Variants in SEC31A observed in about 807,000 individuals in gnomAD.
SEC31A encodes protein transport protein Sec31A.
SEC31A carries 70 observed loss-of-function variants against 151.0 expected under a neutral mutation model. That is an observed-to-expected ratio of 0.46 (90% CI 0.38 to 0.57). The LOEUF is 0.57. Ranked by LOEUF, SEC31A falls within the 20% of genes least tolerant of loss-of-function variation. The pLI, the probability that SEC31A is intolerant of heterozygous loss-of-function variation, is 0.00. For missense variants in SEC31A, 1,330 were observed against 1,471.2 expected, an observed-to-expected ratio of 0.90 and a Z score of 1.57; for synonymous variants, 475 against 505.9, an observed-to-expected ratio of 0.94 and a Z score of 0.82.
At chr4:82,898,355 AAG>A (rs1720151605) in intron 3 of SEC31A, among the ~76,000 whole-genome samples, 1 of 152,228 alleles carries the variant, frequency 6.6e-6, no homozygotes, top group Admixed American at 6.5e-5. Flanking sequence ...AAATACAACT[AAG>A]AAAAAAAAAT....
chr4:82,851,630 C>A, intron 18 of SEC31A, 26 bp from the exon 19 acceptor site: 1 of 1,583,310 alleles, frequency 6.3e-7, no homozygotes, highest in Non-Finnish European at 8.6e-7. Context: ...GAGTAACAAA[C>A]AGAAATATCA....
chr4:82,872,109 TTTTATGAATCAAATTAC>T (rs757855378), intron 6 of SEC31A, 23 bp from the exon 7 acceptor site: 81 of 1,578,864 alleles, frequency 5.1e-5, no homozygotes, highest in Non-Finnish European at 6.7e-5. Flanking sequence ...AAGGTTCACA[TTTTATGAATCAAATTAC>T]TTTATGAAAA....
At chr4:82,861,870 A>T (rs912521774) in intron 13 of SEC31A, 162 bp from the exon 14 acceptor site, 3 of 457,516 alleles carry the variant, frequency 6.6e-6, no homozygotes, top group Admixed American at 7.4e-5. Flanking sequence ...ATTAGAGGAA[A>T]AGCAAAGAAC....
At position 82,822,458 on chromosome 4, in the gene SEC31A, C is replaced by T. The variant is rs1032245328; in HGVS notation, c.3412-1350G>A. Among the ~76,000 whole-genome samples, 25 of 152,060 alleles carry T rather than the reference C, an allele frequency of 1.6e-4. No homozygotes were observed. The East Asian group carries it at 2.3e-3, about 14-fold the overall frequency. On this transcript the variant is annotated intron_variant, in intron 25 of 26. Transcript: ENST00000395310. The stretch of plus-strand genomic sequence containing the variant: ...AGGAGCAGCAAGTATAAAGTCCTGA[C>T]GCTGAAATGCTCTTGGTGTGTTCAA...
At chr4:82,849,975 G>T (rs899063861) in intron 19 of SEC31A, among the ~76,000 whole-genome samples, 1 of 152,010 alleles carries the variant, frequency 6.6e-6, no homozygotes, top group Admixed American at 6.6e-5. Context: ...TGCCTTTTGG[G>T]GGGGAGAATT....
At chr4:82,868,393 T>A in intron 8 of SEC31A, among the ~76,000 whole-genome samples, 1 of 151,872 alleles carries the variant, frequency 6.6e-6, no homozygotes, top group East Asian at 1.9e-4. Context: ...CCCTGTTAGC[T>A]GGGAGGCTGA....
chr4:82,823,902 T>C (rs537736563), intron 25 of SEC31A, among the ~76,000 whole-genome samples: 1 of 152,352 alleles, frequency 6.6e-6, no homozygotes, highest in South Asian at 2.1e-4. Context: ...AGCTTGGTGG[T>C]TGAGAGCATG....
At chr4:82,888,695 A>G (rs1741528323) in intron 1 of SEC31A, among the ~76,000 whole-genome samples, 1 of 103,448 alleles carries the variant, frequency 9.7e-6, no homozygotes, top group Non-Finnish European at 1.8e-5. Flanking sequence ...CCTCAGAAAA[A>G]AATAAAAAAA....
intron 17 of SEC31A, among the ~76,000 whole-genome samples, chr4:82,854,097 C>T (rs1230849869): frequency 6.6e-6 from 1 of 152,096 alleles, no homozygotes; most frequent in African/African-American, 2.4e-5. Flanking sequence ...GGCATGGTGG[C>T]TCACGTCTGT....
intron 14 of SEC31A, among the ~76,000 whole-genome samples, chr4:82,858,347 C>T (rs1338678348): frequency 6.6e-6 from 1 of 151,434 alleles, no homozygotes; most frequent in African/African-American, 2.4e-5. Flanking sequence ...AGATCGAGAC[C>T]ATCCTGGCCA....
chr4:82,875,205 C>T (rs912785049), intron 5 of SEC31A, among the ~76,000 whole-genome samples: 2 of 152,120 alleles, frequency 1.3e-5, no homozygotes, highest in African/African-American at 2.4e-5. Flanking sequence ...AATGTTAGAG[C>T]CAGTTACAAT....
At chr4:82,832,744 T>C (rs1726239647) in intron 22 of SEC31A, among the ~76,000 whole-genome samples, 1 of 151,946 alleles carries the variant, frequency 6.6e-6, no homozygotes, top group South Asian at 2.1e-4. Flanking sequence ...AATGGGCAAA[T>C]GATATGAACA....
intron 19 of SEC31A, among the ~76,000 whole-genome samples, chr4:82,850,108 A>G (rs1578223457): frequency 1.5e-5 from 2 of 136,130 alleles, no homozygotes; most frequent in South Asian, 4.7e-4. Flanking sequence ...AATGTTCTTT[A>G]AAGTCCAAAA....
At chr4:82,874,840 T>A in intron 5 of SEC31A, 89 bp from the exon 6 acceptor site, 2 of 1,469,650 alleles carry the variant, frequency 1.4e-6, no homozygotes, top group Non-Finnish European at 1.8e-6. Flanking sequence ...TTTTGAAAAG[T>A]GTATTACTTA....
intron 10 of SEC31A, 119 bp from the exon 11 acceptor site, chr4:82,864,717 G>A (rs892826182): frequency 3.9e-5 from 27 of 685,326 alleles, no homozygotes; most frequent in Admixed American, 1.3e-4. Flanking sequence ...CCTCTCATGC[G>A]CCACAGTCTG....
intron 1 of SEC31A, among the ~76,000 whole-genome samples, chr4:82,883,973 T>TTTTTC (rs890479263): frequency 1.4e-5 from 2 of 146,482 alleles, no homozygotes; most frequent in Non-Finnish European, 3.0e-5. Flanking sequence ...TATTTGACCA[T>TTTTTC]TTTTCTTTTC....
chr4:82,879,608 A>G (rs1738816424), intron 3 of SEC31A, among the ~76,000 whole-genome samples: 1 of 152,226 alleles, frequency 6.6e-6, no homozygotes, highest in African/African-American at 2.4e-5. Flanking sequence ...AAAAACTACT[A>G]GACAAAAGGT....
chr4:82,892,766 A>G (rs1305218904), upstream of SEC31A, among the ~76,000 whole-genome samples: 1 of 152,216 alleles, frequency 6.6e-6, no homozygotes, highest in Non-Finnish European at 1.5e-5. Context: ...TTTGTGGACT[A>G]AAGAGCTAGC....
intron 21 of SEC31A, chr4:82,842,788 G>A (rs1242776333): frequency 1.2e-5 from 3 of 259,564 alleles, no homozygotes; most frequent in Admixed American, 5.0e-5. Flanking sequence ...CCTGTGAAGA[G>A]ACAACAGTGA....
Sources: allele counts gnomAD v4.1 joint callset (sites outside exome capture counted in the v4.1 genomes callset), GRCh38; gene constraint gnomAD v4.1.1; transcripts MANE v1.5; gene names NCBI Gene and HGNC (gene_info 2026-07-23, HGNC 2026-07-21).